Variants in SINHCAF observed in about 807,000 individuals in gnomAD.
The protein encoded by SINHCAF is SIN3-HDAC complex associated factor, also known as SIN3-HDAC complex-associated factor.
SINHCAF carries 3 observed loss-of-function variants against 25.8 expected under a neutral mutation model. The observed-to-expected ratio is 0.12, with a 90% CI of 0.05 to 0.30. SINHCAF has a LOEUF of 0.30. Among genes scored for constraint, SINHCAF ranks in the 10% least tolerant of loss-of-function variants. The probability of loss-of-function intolerance (pLI) is 1.00; values close to 1 mark genes in which losing one functional copy is unlikely to be tolerated. For synonymous variants in SINHCAF, 70 were observed against 85.5 expected, an observed-to-expected ratio of 0.82 and a Z score of 1.00; for missense variants, 121 against 262.3, an observed-to-expected ratio of 0.46 and a Z score of 3.72.
chr12:31,304,511 GCTTA>G (rs1369566808), intron 1 of SINHCAF: 1 of 152,182 alleles, frequency 6.6e-6, no homozygotes, highest in Non-Finnish European at 1.5e-5. Flanking sequence ...TCCCTAATTG[GCTTA>G]CTGATAGATA....
chr12:31,305,735 T>C (rs1369660274), intron 1 of SINHCAF, among the ~76,000 whole-genome samples: 1 of 149,056 alleles, frequency 6.7e-6, no homozygotes, highest in Non-Finnish European at 1.5e-5. Context: ...AGTCTCGCTC[T>C]GTCACCTAGG....
At chr12:31,288,596 G>T (rs1458368345) in intron 4 of SINHCAF, among the ~76,000 whole-genome samples, 1 of 150,170 alleles carries the variant, frequency 6.7e-6, no homozygotes, top group Non-Finnish European at 1.5e-5. Context: ...TGTCAATGGA[G>T]GTTGAGAGAG....
chr12:31,319,462 G>A (rs933366897), intron 1 of SINHCAF, among the ~76,000 whole-genome samples: 1 of 152,218 alleles, frequency 6.6e-6, no homozygotes, highest in Non-Finnish European at 1.5e-5. Flanking sequence ...CAGAGGCAGA[G>A]GTTGCAGTGA....
intron 2 of SINHCAF, among the ~76,000 whole-genome samples, chr12:31,297,596 T>C (rs1262267569): frequency 6.6e-6 from 1 of 150,926 alleles, no homozygotes; most frequent in Non-Finnish European, 1.5e-5. Context: ...CCTCAGCCTC[T>C]GGAGTAACTG....
chr12:31,315,186 A>G (rs144130510), intron 1 of SINHCAF, among the ~76,000 whole-genome samples: 27 of 152,330 alleles, frequency 1.8e-4, no homozygotes, highest in Non-Finnish European at 3.7e-4. Flanking sequence ...GTGAAGCAAT[A>G]GTTGAGAATT....
chr12:31,317,339 A>T (rs1939532107), intron 1 of SINHCAF, among the ~76,000 whole-genome samples: 1 of 148,618 alleles, frequency 6.7e-6, no homozygotes, highest in Non-Finnish European at 1.5e-5. Context: ...CTAAGTCTTT[A>T]AAAACAAAAA....
At chr12:31,318,262 G>A (rs1311115877) in intron 1 of SINHCAF, among the ~76,000 whole-genome samples, 1 of 152,150 alleles carries the variant, frequency 6.6e-6, no homozygotes, top group Non-Finnish European at 1.5e-5. Context: ...CCATGGAGCA[G>A]TAAGACATTA....
At chr12:31,306,190 T>C (rs1461487675) in intron 1 of SINHCAF, among the ~76,000 whole-genome samples, 2 of 152,154 alleles carry the variant, frequency 1.3e-5, no homozygotes, top group Non-Finnish European at 2.9e-5. Flanking sequence ...TACATATTTA[T>C]ATGCTTAAGA....
Position 31,289,166 on chromosome 12 carries a change from G to T in SINHCAF, c.356-1382C>A, listed in dbSNP as rs560142678. On this transcript the variant is annotated intron_variant, in intron 4 of 5. Transcript: ENST00000337682. ...GAACAGAGCAGGAGAAACCTGTGGAGCTTAGTCAAACATACATCTACATTC... is the reference window on the plus strand; with the variant it reads ...GAACAGAGCAGGAGAAACCTGTGGATCTTAGTCAAACATACATCTACATTC... Among the ~76,000 whole-genome samples the T allele has an allele frequency of 2.0e-5, 3 of 152,254 alleles. No homozygotes were observed. The East Asian group carries it at 5.8e-4, about 29-fold the overall frequency.
intron 1 of SINHCAF, among the ~76,000 whole-genome samples, chr12:31,307,462 G>A (rs1009671165): frequency 2.0e-5 from 3 of 152,124 alleles, no homozygotes; most frequent in Non-Finnish European, 2.9e-5. Flanking sequence ...GGCTGAGGCA[G>A]GCAGATTAAC....
At chr12:31,285,418 TACACACACAC>T (rs71444392) in intron 5 of SINHCAF, among the ~76,000 whole-genome samples, 7 of 141,442 alleles carry the variant, frequency 4.9e-5, no homozygotes, top group Middle Eastern at 3.5e-3. Flanking sequence ...TATATATACA[TACACACACAC>T]ACACACACAC....
At position 31,312,321 on chromosome 12, in the gene SINHCAF, A is replaced by G. The variant is rs114727403; in HGVS notation, c.-21+13703T>C. ...TGGGACATTTTCAGTTTTGGCTACT[A>G]CAAGTAATGTGTTTTCAACATTGTT... On this transcript the variant is annotated intron_variant, in intron 1 of 5. Transcript: ENST00000337682. Among the ~76,000 whole-genome samples the G allele has an allele frequency of 6.1e-3, 923 of 152,284 alleles. 13 individuals are homozygous for G. The highest frequency in any genetic ancestry group is 0.021 in the African/African-American group (875 of 41,538).
At position 31,300,083 on chromosome 12, in the gene SINHCAF, G is replaced by A. The variant is rs955073518; in HGVS notation, c.-20-1859C>T. ...GCTGTATTTGTCTTTGGATTATCTC[G>A]TCTGATCCCATTCCATTCCAATTCT... On this transcript the variant is annotated intron_variant, in intron 1 of 5. Transcript: ENST00000337682. Among the ~76,000 whole-genome samples the A allele has an allele frequency of 9.2e-5, 14 of 152,080 alleles. 1 individual carries two copies. The highest frequency in any genetic ancestry group is 1.0e-4 in the Non-Finnish European group (7 of 68,028).
chr12:31,322,810 C>G (rs984317343), intron 1 of SINHCAF, among the ~76,000 whole-genome samples: 1 of 152,106 alleles, frequency 6.6e-6, no homozygotes, highest in African/African-American at 2.4e-5. Context: ...CAGGAGAAAT[C>G]AGGAAAGAAG....
intron 1 of SINHCAF, among the ~76,000 whole-genome samples, chr12:31,320,302 C>T (rs1468689309): frequency 2.0e-5 from 3 of 152,138 alleles, no homozygotes; most frequent in Admixed American, 2.0e-4. Context: ...AACTAGCCAC[C>T]CTCTACTCAG....
intron 1 of SINHCAF, among the ~76,000 whole-genome samples, chr12:31,312,653 T>G (rs1459804690): frequency 6.6e-6 from 1 of 152,238 alleles, no homozygotes; most frequent in Non-Finnish European, 1.5e-5. Context: ...AGTCATGTGC[T>G]TATCTTCTGG....
At chr12:31,301,627 C>T (rs1345318360) in intron 1 of SINHCAF, among the ~76,000 whole-genome samples, 2 of 152,080 alleles carry the variant, frequency 1.3e-5, no homozygotes, top group Non-Finnish European at 2.9e-5. Flanking sequence ...GGTTTCATTT[C>T]GGGCTTTGTT....
chr12:31,290,342 A>G (rs1210373057), intron 4 of SINHCAF, among the ~76,000 whole-genome samples: 1 of 151,890 alleles, frequency 6.6e-6, no homozygotes, highest in Non-Finnish European at 1.5e-5. Flanking sequence ...GGATTTCGCC[A>G]TGTTTGCCAG....
chr12:31,325,188 C>G lies in SINHCAF; in HGVS notation c.-21+836G>C, dbSNP rs1032711473. ...CGGCCGCCCATAAACGGGAAGCCCT[C>G]GCGGTGTCGCCCACACCTACGCTAC... is the stretch of plus-strand genomic sequence containing the variant. On this transcript the variant is annotated intron_variant, in intron 1 of 5. Transcript: ENST00000337682. This position sits in a 1 kb window ranked among gnomAD's most constrained non-coding sequence, Gnocchi z 5.9. 8.8e-6 allele frequency: 4 copies of G among 456,680 alleles called. No homozygotes were observed. The highest frequency in any genetic ancestry group is 6.0e-5 in the African/African-American group (3 of 50,100). 28.3% of individuals were successfully genotyped at this position (456,680 alleles called of 1,614,324 possible).
Sources: allele counts gnomAD v4.1 joint callset (sites outside exome capture counted in the v4.1 genomes callset), GRCh38; gene constraint gnomAD v4.1.1; non-coding constraint Gnocchi (gnomAD v3.1); transcripts MANE v1.5; gene names NCBI Gene and HGNC (gene_info 2026-07-23, HGNC 2026-07-21).